Variants in PATL2 observed in about 807,000 individuals in gnomAD.
PATL2 encodes the protein protein PAT1 homolog 2.
Under a neutral mutation model 77.0 loss-of-function variants are expected in PATL2, and 73 were observed. The observed-to-expected ratio is 0.95, with a 90% CI of 0.78 to 1.15. PATL2 has a LOEUF of 1.15. PATL2 is among the 50% of genes most tolerant of loss of function. The pLI is 0.00. For missense variants in PATL2, 618 were observed against 655.4 expected (o/e 0.94, Z 0.62); for synonymous variants, 265 against 257.1 (o/e 1.03, Z -0.29).
At chr15:44,701,804 G>A (rs1377099806) in intron 3 of PATL2, among the ~76,000 whole-genome samples, 1 of 151,794 alleles carries the variant, frequency 6.6e-6, no homozygotes, top group Non-Finnish European at 1.5e-5. Flanking sequence ...ACATAGTGCT[G>A]GCATCTGCTC....
intron 3 of PATL2, among the ~76,000 whole-genome samples, chr15:44,701,362 A>T (rs919472825): frequency 6.6e-6 from 1 of 151,366 alleles, no homozygotes; most frequent in African/African-American, 2.4e-5. Flanking sequence ...GAATAGTTTG[A>T]GTAGGGTTGG....
intron 16 of PATL2, 135 bp downstream of exon 16, chr15:44,666,971 C>G: frequency 5.6e-6 from 4 of 714,350 alleles, no homozygotes; most frequent in Non-Finnish European, 9.5e-6. Context: ...AGCAGAACAG[C>G]TACAACACTG....
At chr15:44,699,583 C>A (rs2086585492) in intron 3 of PATL2, among the ~76,000 whole-genome samples, 1 of 152,114 alleles carries the variant, frequency 6.6e-6, no homozygotes, top group Non-Finnish European at 1.5e-5. Context: ...AGAGATCCAC[C>A]CACCTTGGCC....
intron 3 of PATL2, among the ~76,000 whole-genome samples, chr15:44,697,928 G>A (rs1437876811): frequency 4.0e-5 from 6 of 151,744 alleles, no homozygotes; most frequent in African/African-American, 1.5e-4. Context: ...AATTGAGATG[G>A]GGCTCTTGCT....
chr15:44,693,727 C>G, intron 3 of PATL2, among the ~76,000 whole-genome samples: 1 of 150,946 alleles, frequency 6.6e-6, no homozygotes, highest in Non-Finnish European at 1.5e-5. Context: ...GAGTCTCGCT[C>G]TGTCTCCCAG....
Position 44,668,426 on chromosome 15 carries a change from G to C in PATL2, c.1281C>G (p.His427Gln), listed in dbSNP as rs561658889. ...LGKCISHLTL[H>Q]ELLQGLQGLT... is the part of the protein sequence containing the mutation. Reference sequence around the variant, plus strand: ...ATCCCTGAAGTCCTTGGAGGAGTTCGTGGAGGGTCAAGTGACTAATACATT... The same window carrying C: ...ATCCCTGAAGTCCTTGGAGGAGTTCCTGGAGGGTCAAGTGACTAATACATT... Residue 427 changes from histidine (H) to glutamine (Q), a missense_variant, in exon 15 of 18, where the codon CAC (histidine) becomes CAG (glutamine). Physicochemically the swap from His to Gln is conservative, Grantham distance 24. Transcript: ENST00000682850. 9.7e-6 allele frequency: 15 copies of C among 1,551,406 alleles called. No homozygotes were observed. Among genetic ancestry groups the C allele is most frequent in the Admixed American group, 5.9e-5 (3 of 51,004 alleles).
At chr15:44,686,946 T>C (rs2086271935) in intron 3 of PATL2, among the ~76,000 whole-genome samples, 1 of 152,174 alleles carries the variant, frequency 6.6e-6, no homozygotes, top group South Asian at 2.1e-4. Context: ...CAGGACCAGA[T>C]GGACTCACAG....
In PATL2 at chr15:44,710,101, A is replaced by G. The variant is rs1215043699; in HGVS notation, c.-81T>C. Among the ~76,000 whole-genome samples the G allele has an allele frequency of 6.6e-6, 1 of 152,258 alleles. No homozygotes were observed. Among genetic ancestry groups the G allele is most frequent in the African/African-American group, 2.4e-5 (1 of 41,468 alleles). On this transcript the variant is annotated 5_prime_UTR_variant, in exon 3 of 18. Coordinates refer to ENST00000682850, the MANE Select transcript of PATL2 (RefSeq NM_001387263.1). ...AAACACTACAGAACACTTACTATGT[A>G]CCAGGCATTGTGGGAGGCTCTCTCT...
chr15:44,669,311 T>C lies in PATL2; in HGVS notation c.1033A>G (p.Thr345Ala), dbSNP rs1200718492. ...TTGTTCTGCTCCTGGGTCTTTAAGG[T>C]CTGGAAGAGCTTCTCAACCTGGTTG... ...QSNQVEKLFQ[T>A]LKTQEQNNLE... is the part of the protein sequence containing the mutation. Residue 345 changes from threonine (T) to alanine (A), a missense_variant, in exon 13 of 18, where the codon ACC becomes GCC. Physicochemically the swap from Thr to Ala is moderately conservative, Grantham distance 58. Transcript: ENST00000682850. The C allele has an allele frequency of 1.3e-6, 2 of 1,551,600 alleles. No individual in the cohort carries two copies. The highest frequency in any genetic ancestry group is 1.7e-6 in the Non-Finnish European group (2 of 1,146,930).
At chr15:44,671,479 A>G (rs1441203445) in intron 9 of PATL2, among the ~76,000 whole-genome samples, 2 of 149,646 alleles carry the variant, frequency 1.3e-5, no homozygotes, top group African/African-American at 4.9e-5. Context: ...ACAGAGGGAG[A>G]CTCTGTCTCA....
chr15:44,697,119 C>T (rs1216037098), intron 3 of PATL2, among the ~76,000 whole-genome samples: 1 of 151,906 alleles, frequency 6.6e-6, no homozygotes. Flanking sequence ...TCCTTCTCAT[C>T]CTCCTGTTTC....
At chr15:44,685,743 G>T (rs1431408773) in intron 3 of PATL2, among the ~76,000 whole-genome samples, 8 of 152,150 alleles carry the variant, frequency 5.3e-5, no homozygotes, top group African/African-American at 1.9e-4. Context: ...AGCAAATAAA[G>T]CAGGGGTTGC....
In PATL2 at chr15:44,665,984, CAG is replaced by C. The variant is rs2085348194; in HGVS notation, c.1614-15_1614-14del. ...AATCCAGGCAAACCTATAAAGAGAACAGATATTAACTGCAAGCACAATTCTAC... is the reference window on the plus strand; with the variant it reads ...AATCCAGGCAAACCTATAAAGAGAACATATTAACTGCAAGCACAATTCTAC... On this transcript the variant is annotated splice_polypyrimidine_tract_variant and intron_variant, in intron 17 of 17. Transcript: ENST00000682850. 3 of 1,526,800 alleles carry C rather than the reference CAG, an allele frequency of 2.0e-6. No individual in the cohort carries two copies. Among genetic ancestry groups the C allele is most frequent in the Non-Finnish European group, 2.6e-6 (3 of 1,137,128 alleles). 94.6% of individuals were successfully genotyped at this position (1,526,800 alleles called of 1,614,324 possible). A position where few individuals can be genotyped will look rare whatever the true frequency, so the allele number is the denominator to read the frequency against.
rs990132545 is a variant in PATL2 at position 44,675,439 on chromosome 15, A to C, written c.222+47T>G. On this transcript the variant is annotated intron_variant, in intron 5 of 17. Coordinates refer to ENST00000682850, the MANE Select transcript of PATL2 (RefSeq NM_001387263.1). ...AATGTTTAGTGACAGCCTGTGAGCCACAGACAGTTCAGGACAACCCTCTCC... is the reference window on the plus strand; with the variant it reads ...AATGTTTAGTGACAGCCTGTGAGCCCCAGACAGTTCAGGACAACCCTCTCC... 3 of 1,519,236 alleles carry C rather than the reference A, an allele frequency of 2.0e-6. No individual in the cohort carries two copies. The African/African-American group carries it at 4.1e-5, about 21-fold the overall frequency. 94.1% of individuals were successfully genotyped at this position (1,519,236 alleles called of 1,614,324 possible). A position where few individuals can be genotyped will look rare whatever the true frequency, so the allele number is the denominator to read the frequency against.
chr15:44,697,209 CT>C (rs1286901893), intron 3 of PATL2: 1 of 152,024 alleles, frequency 6.6e-6, no homozygotes, highest in Non-Finnish European at 1.5e-5. Context: ...CCTCTTCCTC[CT>C]TCTTCCTTTT....
In PATL2 at chr15:44,666,405, C is replaced by T; in HGVS notation, c.1600G>A (p.Glu534Lys). 1 of 1,551,674 alleles carries T rather than the reference C, an allele frequency of 6.4e-7. No individual in the cohort carries two copies. The part of the protein sequence containing the change: ...HVDKQLVQQL[E>K]ARMEFAWIY ...GCCATTACTTACTCCATCCTGGCCT[C>T]CAGCTGCTGAACCAATTGTTTGTCC... Residue 534 changes from glutamate to lysine, a missense_variant, in exon 17 of 18, where the codon GAG (glutamate) becomes AAG (lysine). Physicochemically the swap from Glu to Lys is moderately conservative, Grantham distance 56. Transcript: ENST00000682850.
intron 16 of PATL2, 106 bp from the exon 17 acceptor site, chr15:44,666,647 C>T (rs2085386859): frequency 1.7e-6 from 2 of 1,186,220 alleles, no homozygotes; most frequent in East Asian, 5.2e-5. Flanking sequence ...TGTCCCCCAC[C>T]CCCAGGTAGC....
At chr15:44,698,432 T>C (rs892162275) in intron 3 of PATL2, among the ~76,000 whole-genome samples, 1 of 152,078 alleles carries the variant, frequency 6.6e-6, no homozygotes, top group Non-Finnish European at 1.5e-5. Context: ...TATTCTACTC[T>C]CTATTTCCAT....
In PATL2 at chr15:44,672,216, G is replaced by A. The variant is rs757973976; in HGVS notation, c.516-60C>T. Reference sequence around the variant, plus strand: ...CCACCACTGGCACTTCCTAAGGAGTGTGGTGAGCAGGAAGTGGGGCTCTCT... The same window carrying A: ...CCACCACTGGCACTTCCTAAGGAGTATGGTGAGCAGGAAGTGGGGCTCTCT... On this transcript the variant is annotated intron_variant, in intron 8 of 17. Transcript: ENST00000682850. 9 of 1,550,680 alleles carry A rather than the reference G, an allele frequency of 5.8e-6. No homozygotes were observed. In the South Asian group the frequency reaches 6.0e-5, roughly 10 times the overall value.
Sources: allele counts gnomAD v4.1 joint callset (sites outside exome capture counted in the v4.1 genomes callset), GRCh38; gene constraint gnomAD v4.1.1; transcripts MANE v1.5; gene names NCBI Gene and HGNC (gene_info 2026-07-23, HGNC 2026-07-21).